FAM81A: variants seen among roughly 807,000 people sequenced by gnomAD.
FAM81A encodes the protein protein FAM81A.
FAM81A carries 19 observed loss-of-function variants against 46.7 expected under a neutral mutation model. That is an observed-to-expected ratio of 0.41 (90% CI 0.28 to 0.60). The LOEUF is 0.60. Among genes scored for constraint, FAM81A ranks in the 20% least tolerant of loss-of-function variants. The pLI is 0.34. For missense variants in FAM81A, 377 were observed against 453.5 expected (o/e 0.83, Z 1.53); for synonymous variants, 183 against 152.9 (o/e 1.20, Z -1.45).
chr15:59,404,659 G>A (rs2081086539), intron 2 of FAM81A, among the ~76,000 whole-genome samples: 2 of 152,084 alleles, frequency 1.3e-5, no homozygotes, highest in South Asian at 4.2e-4. Flanking sequence ...GTCTCACTAT[G>A]TTGCTCAGGC....
intron 3 of FAM81A, among the ~76,000 whole-genome samples, chr15:59,468,893 C>T (rs946053187): frequency 6.6e-6 from 1 of 152,258 alleles, no homozygotes; most frequent in Middle Eastern, 3.4e-3. Flanking sequence ...AAATGTGTCC[C>T]AGAGATTCTG....
chr15:59,455,478 A>T (rs1457599026), intron 1 of FAM81A, among the ~76,000 whole-genome samples: 1 of 152,192 alleles, frequency 6.6e-6, no homozygotes, highest in African/African-American at 2.4e-5. Context: ...ATCTGGAAAC[A>T]ATGCTTGAGA....
intron 2 of FAM81A, among the ~76,000 whole-genome samples, chr15:59,431,737 T>G (rs973034685): frequency 2.6e-5 from 4 of 152,176 alleles, no homozygotes; most frequent in Admixed American, 6.5e-5. Context: ...CACATACAGA[T>G]AGTTTCCAGC....
At chr15:59,416,801 C>T (rs1312625296) in intron 2 of FAM81A, among the ~76,000 whole-genome samples, 2 of 152,196 alleles carry the variant, frequency 1.3e-5, no homozygotes, top group Non-Finnish European at 2.9e-5. Context: ...TCACTGGAAT[C>T]ATTCCAAAGG....
At chr15:59,481,334 A>G (rs1342726842) in intron 3 of FAM81A, among the ~76,000 whole-genome samples, 2 of 152,152 alleles carry the variant, frequency 1.3e-5, no homozygotes, top group Non-Finnish European at 2.9e-5. Context: ...ATTAATCTGC[A>G]TAAGAATTTG....
intron 7 of FAM81A, among the ~76,000 whole-genome samples, chr15:59,515,526 C>T (rs1207247562): frequency 1.3e-5 from 2 of 152,132 alleles, no homozygotes; most frequent in Non-Finnish European, 2.9e-5. Flanking sequence ...AACCCACTTA[C>T]AGCTTGGAGT....
intron 3 of FAM81A, among the ~76,000 whole-genome samples, chr15:59,470,996 G>A (rs1335704656): frequency 1.3e-5 from 2 of 152,076 alleles, no homozygotes; most frequent in Non-Finnish European, 1.5e-5. Context: ...CTAATTTTTT[G>A]TAGAGACAAG....
At chr15:59,439,536 T>TA (rs2081275235) in intron 1 of FAM81A, among the ~76,000 whole-genome samples, 1 of 152,156 alleles carries the variant, frequency 6.6e-6, no homozygotes, top group African/African-American at 2.4e-5. Context: ...ATGGAGGACG[T>TA]ACCCTCTCAC....
At chr15:59,450,374 G>C (rs1372486845) in intron 1 of FAM81A, among the ~76,000 whole-genome samples, 7 of 151,914 alleles carry the variant, frequency 4.6e-5, no homozygotes, top group African/African-American at 1.7e-4. Flanking sequence ...AAGTATTCTT[G>C]CAAATGTCTT....
At chr15:59,455,187 G>A (rs2081468668) in intron 1 of FAM81A, among the ~76,000 whole-genome samples, 1 of 151,802 alleles carries the variant, frequency 6.6e-6, no homozygotes, top group African/African-American at 2.4e-5. Flanking sequence ...AGGCCACAGT[G>A]CCTGGCCCCA....
intron 2 of FAM81A, among the ~76,000 whole-genome samples, chr15:59,413,026 GA>G (rs2081129051): frequency 6.6e-6 from 1 of 152,324 alleles, no homozygotes; most frequent in South Asian, 2.1e-4. Context: ...TCAAGAGAGA[GA>G]AACCAGAATT....
intron 4 of FAM81A, among the ~76,000 whole-genome samples, chr15:59,505,183 G>A (rs1471408611): frequency 2.6e-5 from 4 of 151,992 alleles, no homozygotes; most frequent in Admixed American, 2.6e-4. Flanking sequence ...TATCATTGAA[G>A]CCACTGATTC....
At chr15:59,518,746 C>T (rs138332053) in intron 8 of FAM81A, among the ~76,000 whole-genome samples, 102 of 151,934 alleles carry the variant, frequency 6.7e-4, no homozygotes, top group African/African-American at 2.4e-3. Flanking sequence ...GCCATTATTT[C>T]CTTTATAGCA....
chr15:59,493,841 G>A lies in FAM81A; in HGVS notation c.413+1452G>A, dbSNP rs564564730. Among the ~76,000 whole-genome samples the A allele has an allele frequency of 3.3e-5, 5 of 152,244 alleles. No homozygotes were observed. In the South Asian group the frequency reaches 1.0e-3, roughly 32 times the overall value. On this transcript the variant is annotated intron_variant, in intron 4 of 8. Coordinates refer to ENST00000288228, the MANE Select transcript of FAM81A (RefSeq NM_152450.3). ...GACCTCAGGTGATCCGCCCACCTCGGCCTCCAAGAGTGCTGGGATTACAGG... is the reference window on the plus strand; with the variant it reads ...GACCTCAGGTGATCCGCCCACCTCGACCTCCAAGAGTGCTGGGATTACAGG...
At chr15:59,498,891 G>C (rs1186910880) in intron 4 of FAM81A, among the ~76,000 whole-genome samples, 1 of 152,196 alleles carries the variant, frequency 6.6e-6, no homozygotes, top group East Asian at 1.9e-4. Flanking sequence ...CTGACCTCAA[G>C]TGATCCACCT....
intron 3 of FAM81A, among the ~76,000 whole-genome samples, chr15:59,463,751 C>G (rs1191247232): frequency 3.5e-5 from 2 of 57,172 alleles, no homozygotes; most frequent in Admixed American, 4.4e-4. Flanking sequence ...GAGTTGCCAT[C>G]TTAATTACTG....
Position 59,401,130 on chromosome 15 carries a change from A to G in FAM81A, c.-160-1146A>G. On this transcript the variant is annotated intron_variant, in intron 1 of 4. Coordinates refer to the FAM81A transcript ENST00000558348. ...AATCTCTTGATGATTGCAGACATGT[A>G]TGGCTGTTTGGTAGTATTCAGAAAC... 4 of 698,764 alleles carry G rather than the reference A, an allele frequency of 5.7e-6. No homozygotes were observed. In the Admixed American group the frequency reaches 8.1e-5, roughly 14 times the overall value. 43.3% of individuals were successfully genotyped at this position (698,764 alleles called of 1,614,324 possible). A position where few individuals can be genotyped will look rare whatever the true frequency, so the allele number is the denominator to read the frequency against.
chr15:59,511,894 C>T (rs1453725361), intron 6 of FAM81A, among the ~76,000 whole-genome samples: 1 of 152,084 alleles, frequency 6.6e-6, no homozygotes, highest in Non-Finnish European at 1.5e-5. Context: ...CGTGATCTGC[C>T]CACCTCGGCC....
chr15:59,478,381 T>C (rs1356825436), intron 3 of FAM81A, among the ~76,000 whole-genome samples: 3 of 152,208 alleles, frequency 2.0e-5, no homozygotes, highest in Non-Finnish European at 2.9e-5. Context: ...AAAGGACTAC[T>C]GGAGTTTTTG....
Sources: allele counts gnomAD v4.1 joint callset (sites outside exome capture counted in the v4.1 genomes callset), GRCh38; gene constraint gnomAD v4.1.1; transcripts MANE v1.5; gene names NCBI Gene and HGNC (gene_info 2026-07-23, HGNC 2026-07-21).